The following ZDHHC22 variants were observed in gnomAD, a reference collection of about 807,000 sequenced individuals.
The protein encoded by ZDHHC22 is palmitoyltransferase ZDHHC22.
In ZDHHC22, 13 loss-of-function variants were observed where a neutral mutation model predicts 17.0. That is an observed-to-expected ratio of 0.76 (90% CI 0.50 to 1.21). The LOEUF (loss-of-function observed/expected upper bound fraction) is 1.21, where lower values mean the gene tolerates loss of function less well. Ranked by LOEUF, ZDHHC22 falls within the 50% of genes most tolerant of loss-of-function variation. The probability of loss-of-function intolerance (pLI) is 0.00; values close to 1 mark genes in which losing one functional copy is unlikely to be tolerated. For synonymous variants in ZDHHC22, 138 were observed against 154.7 expected, an observed-to-expected ratio of 0.89 and a Z score of 0.80; for missense variants, 319 against 342.3, an observed-to-expected ratio of 0.93 and a Z score of 0.54.
Position 77,133,960 on chromosome 14 carries a change from G to C in ZDHHC22, c.527-12C>G, listed in dbSNP as rs771054827. The C allele has an allele frequency of 1.5e-5, 24 of 1,551,308 alleles. No individual in the cohort carries two copies. Among genetic ancestry groups the C allele is most frequent in the Non-Finnish European group, 2.0e-5 (23 of 1,149,070 alleles). On this transcript the variant is annotated splice_polypyrimidine_tract_variant and intron_variant, in intron 2 of 2. Coordinates refer to ENST00000319374, the MANE Select transcript of ZDHHC22 (RefSeq NM_174976.2). Reference sequence around the variant, plus strand: ...ACCCAGGACAGCTCCTGCAGGGCACGGGGAGGGGAAACACCAGAGCCGCTT... The same window carrying C: ...ACCCAGGACAGCTCCTGCAGGGCACCGGGAGGGGAAACACCAGAGCCGCTT...
intron 2 of ZDHHC22, among the ~76,000 whole-genome samples, chr14:77,134,166 G>A (rs953168450): frequency 6.6e-6 from 1 of 152,186 alleles, no homozygotes; most frequent in African/African-American, 2.4e-5. Flanking sequence ...GAGGCAAGAG[G>A]GGAAGACTGG....
intron 2 of ZDHHC22, among the ~76,000 whole-genome samples, chr14:77,134,160 CAA>C (rs1555384181): frequency 6.6e-6 from 1 of 152,148 alleles, no homozygotes; most frequent in Non-Finnish European, 1.5e-5. Context: ...GCACCTGAGG[CAA>C]GAGGGGAAGA....
At chr14:77,137,395 T>C (rs1887157365) in intron 2 of ZDHHC22, among the ~76,000 whole-genome samples, 1 of 152,190 alleles carries the variant, frequency 6.6e-6, no homozygotes, top group Admixed American at 6.5e-5. Context: ...CCCAGATTTA[T>C]CTCAAATCAA....
At chr14:77,138,306 C>G (rs1230793891) in intron 2 of ZDHHC22, among the ~76,000 whole-genome samples, 1 of 152,172 alleles carries the variant, frequency 6.6e-6, no homozygotes, top group Admixed American at 6.5e-5. Flanking sequence ...TCTGTAAATC[C>G]CAGCACTTTG....
intron 2 of ZDHHC22, among the ~76,000 whole-genome samples, chr14:77,138,712 A>G (rs1402305546): frequency 1.1e-4 from 17 of 152,324 alleles, no homozygotes; most frequent in Non-Finnish European, 1.3e-4. Flanking sequence ...AACAAGTTCA[A>G]TATTACTGCA....
At chr14:77,139,162 G>A in intron 2 of ZDHHC22, 51 bp downstream of exon 2, 1 of 1,517,036 alleles carries the variant, frequency 6.6e-7, no homozygotes, top group South Asian at 1.2e-5. Context: ...GCAACCTTTG[G>A]GGTGGGAGGT....
Position 77,139,513 on chromosome 14 carries a change from G to C in ZDHHC22, c.226C>G (p.Leu76Val). Residue 76 changes from leucine (L) to valine (V), a missense_variant, in exon 2 of 3, where the codon CTG (leucine) becomes GTG (valine). Leu to Val is a conservative substitution (Grantham distance 32, BLOSUM62 1). Transcript: ENST00000319374. Reference sequence around the variant, plus strand: ...GCCGAGGCCCCCTGGCAGGCCCCCAGGTCGTCTGGGGAGTTCTGGATGACA... The same window carrying C: ...GCCGAGGCCCCCTGGCAGGCCCCCACGTCGTCTGGGGAGTTCTGGATGACA... ...VLVIQNSPDD[L>V]GACQGASARK... 3 of 1,611,370 alleles carry C rather than the reference G, an allele frequency of 1.9e-6. No individual in the cohort carries two copies. The South Asian group carries it at 3.3e-5, about 18-fold the overall frequency.
Position 77,133,705 on chromosome 14 carries a change from C to T in ZDHHC22, c.770G>A (p.Ser257Asn). 6.2e-7 allele frequency: 1 copy of T among 1,613,714 alleles called. No individual in the cohort carries two copies. The highest frequency in any genetic ancestry group is 1.1e-5 in the South Asian group (1 of 91,034). ...CTACTACTTATCCTGCTGCTTGGAG[C>T]TCTCACTTCCGACATTGAACATGGG... Reference protein sequence around the residue: ...LVPMFNVGSESSKQQDK With the variant: ...LVPMFNVGSENSKQQDK The change falls in exon 3 of 3, where the codon AGC becomes AAC. Residue 257 changes from serine (S) to asparagine (N), a missense_variant. Ser to Asn is a conservative substitution (Grantham distance 46). Coordinates refer to ENST00000319374, the MANE Select transcript of ZDHHC22 (RefSeq NM_174976.2).
In ZDHHC22 at chr14:77,133,809, C is replaced by A; in HGVS notation, c.666G>T (p.Gly222=). 6.2e-7 allele frequency: 1 copy of A among 1,613,972 alleles called. No homozygotes were observed. The highest frequency in any genetic ancestry group is 1.1e-5 in the South Asian group (1 of 91,070). ...RGQTRHQVRK[G]VAVRARPWRK... is the part of the protein sequence containing the mutation. ...GCCAGGGCCGGGCCCTCACTGCCAC[C>A]CCCTTCCGCACCTGGTGGCGGGTCT... is the stretch of plus-strand genomic sequence containing the variant. The change falls in exon 3 of 3, where the codon GGG becomes GGT. Residue 222 remains glycine (G), a synonymous_variant. Coordinates refer to ENST00000319374, the MANE Select transcript of ZDHHC22 (RefSeq NM_174976.2).
At chr14:77,138,283 G>A (rs938579539) in intron 2 of ZDHHC22, among the ~76,000 whole-genome samples, 7 of 151,670 alleles carry the variant, frequency 4.6e-5, no homozygotes, top group South Asian at 2.1e-4. Context: ...TCAGCCAGGC[G>A]CAGTGGCTCA....
At chr14:77,139,847 C>A (rs1887217507) in intron 1 of ZDHHC22, 95 bp from the exon 2 acceptor site, 1 of 1,237,540 alleles carries the variant, frequency 8.1e-7, no homozygotes, top group Non-Finnish European at 1.1e-6. Flanking sequence ...GGGCACTGCA[C>A]GCGACTCCAC....
At chr14:77,135,659 C>T (rs1887123198) in intron 2 of ZDHHC22, among the ~76,000 whole-genome samples, 1 of 152,098 alleles carries the variant, frequency 6.6e-6, no homozygotes, top group South Asian at 2.1e-4. Context: ...GATCCCAGGT[C>T]CATGGTGCTC....
intron 1 of ZDHHC22, 179 bp downstream of exon 1, chr14:77,141,424 C>A (rs923386592): frequency 1.3e-5 from 2 of 152,678 alleles, no homozygotes; most frequent in South Asian, 2.0e-4. Flanking sequence ...GCTGTCCGTT[C>A]AGCCCTGGCG....
Position 77,133,498 on chromosome 14 carries a change from AC to A in ZDHHC22, c.*184del. Reference sequence around the variant, plus strand: ...GAGGAGCCTAGAAATGCCTGGGGGGACATTTTTCCTCCTTGTCATGATCCAC... The same window carrying A: ...GAGGAGCCTAGAAATGCCTGGGGGGAATTTTTCCTCCTTGTCATGATCCAC... On this transcript the variant is annotated 3_prime_UTR_variant, in exon 3 of 3. Transcript: ENST00000319374. 1.2e-6 allele frequency: 1 copy of A among 808,478 alleles called. No homozygotes were observed. Among genetic ancestry groups the A allele is most frequent in the Non-Finnish European group, 1.8e-6 (1 of 555,480 alleles). 50.1% of individuals were successfully genotyped at this position (808,478 alleles called of 1,614,324 possible).
chr14:77,141,373 G>A (rs1474429303), intron 1 of ZDHHC22: 1 of 152,516 alleles, frequency 6.6e-6, no homozygotes, highest in Non-Finnish European at 1.5e-5. Flanking sequence ...CGCGGGAGAA[G>A]GGACAGCAGA....
At chr14:77,136,987 C>T (rs977914558) in intron 2 of ZDHHC22, among the ~76,000 whole-genome samples, 3 of 152,192 alleles carry the variant, frequency 2.0e-5, no homozygotes, top group Non-Finnish European at 4.4e-5. Flanking sequence ...CACCATCTTG[C>T]CCAGGCTGAT....
intron 2 of ZDHHC22, 36 bp from the exon 3 acceptor site, chr14:77,133,984 T>G: frequency 6.6e-7 from 1 of 1,519,992 alleles, no homozygotes; most frequent in Non-Finnish European, 8.8e-7. Context: ...CCAGAGCCGC[T>G]TTACACCCAG....
chr14:77,133,683 C>T lies in ZDHHC22; in HGVS notation c.792G>A (p.Ter264=), dbSNP rs1887076570. 6.2e-7 allele frequency: 1 copy of T among 1,612,214 alleles called. No homozygotes were observed. The highest frequency in any genetic ancestry group is 8.5e-7 in the Non-Finnish European group (1 of 1,179,038). The change falls in exon 3 of 3, where the codon TAG becomes TAA. Residue 264 remains the stop codon, a stop_retained_variant. Coordinates refer to ENST00000319374, the MANE Select transcript of ZDHHC22 (RefSeq NM_174976.2). ...GAGAGATAAATGACGGGAGTGTCTACTACTTATCCTGCTGCTTGGAGCTCT... is the reference window on the plus strand; with the variant it reads ...GAGAGATAAATGACGGGAGTGTCTATTACTTATCCTGCTGCTTGGAGCTCT... The part of the protein sequence containing the change: ...GSESSKQQDK[*]
intron 2 of ZDHHC22, among the ~76,000 whole-genome samples, chr14:77,138,696 G>A (rs1887184941): frequency 2.0e-5 from 3 of 152,194 alleles, no homozygotes; most frequent in African/African-American, 7.2e-5. Context: ...GCTGGGCTGG[G>A]CTGGCAACAA....
Sources: allele counts gnomAD v4.1 joint callset (sites outside exome capture counted in the v4.1 genomes callset), GRCh38; gene constraint gnomAD v4.1.1; transcripts MANE v1.5; gene names NCBI Gene and HGNC (gene_info 2026-07-23, HGNC 2026-07-21).